MYO1B: variants seen among roughly 807,000 people sequenced by gnomAD.
MYO1B encodes the protein unconventional myosin-Ib.
Under a neutral mutation model 159.7 loss-of-function variants are expected in MYO1B, and 72 were observed. The ratio of observed to expected loss-of-function variants is 0.45; its 90% CI spans 0.37 to 0.55. The LOEUF is 0.55. Ranked by LOEUF, MYO1B falls within the 20% of genes least tolerant of loss-of-function variation. The pLI is 0.00. For synonymous variants in MYO1B, 468 were observed against 473.8 expected, an observed-to-expected ratio of 0.99 and a Z score of 0.16; for missense variants, 1,062 against 1,364.8, an observed-to-expected ratio of 0.78 and a Z score of 3.50.
At chr2:191,261,347 G>C (rs780418998) in intron 1 of MYO1B, among the ~76,000 whole-genome samples, 35 of 152,302 alleles carry the variant, frequency 2.3e-4, no homozygotes, top group Middle Eastern at 3.4e-3. Flanking sequence ...AGCTAATTTA[G>C]GAGTGGCTGA....
At chr2:191,365,809 A>G (rs1203915148) in intron 11 of MYO1B, among the ~76,000 whole-genome samples, 1 of 152,230 alleles carries the variant, frequency 6.6e-6, no homozygotes, top group Non-Finnish European at 1.5e-5. Flanking sequence ...AAGCTTGGCT[A>G]TAGCTGTAGA....
At chr2:191,289,890 C>T (rs1207455364) in intron 2 of MYO1B, among the ~76,000 whole-genome samples, 1 of 152,156 alleles carries the variant, frequency 6.6e-6, no homozygotes, top group Non-Finnish European at 1.5e-5. Flanking sequence ...GTTTTATATA[C>T]AGACTTGGAA....
intron 15 of MYO1B, among the ~76,000 whole-genome samples, chr2:191,383,545 CACAT>C (rs763958195): frequency 0.17 from 3,638 of 21,870 alleles, 75 homozygotes; most frequent in South Asian, 0.46. Context: ...CACACACACA[CACAT>C]ATATATATAT....
chr2:191,256,382 A>T (rs1321107540), intron 1 of MYO1B, among the ~76,000 whole-genome samples: 1 of 152,188 alleles, frequency 6.6e-6, no homozygotes, highest in African/African-American at 2.4e-5. Context: ...ACACATGTGC[A>T]GCTCCTAGAA....
chr2:191,315,161 A>G (rs201605075), intron 3 of MYO1B, among the ~76,000 whole-genome samples: 307 of 31,700 alleles, frequency 9.7e-3, no homozygotes, highest in African/African-American at 0.024. Flanking sequence ...CCGTCCGTCC[A>G]TCCATCCATC....
chr2:191,302,407 C>T (rs920538040), intron 3 of MYO1B, among the ~76,000 whole-genome samples: 3 of 152,138 alleles, frequency 2.0e-5, no homozygotes, highest in African/African-American at 7.2e-5. Context: ...TGTGTTATGG[C>T]TGAGAGTTCA....
intron 1 of MYO1B, among the ~76,000 whole-genome samples, chr2:191,254,808 G>A (rs4853563): frequency 0.53 from 80,945 of 152,014 alleles, 25,517 homozygotes; most frequent in Non-Finnish European, 0.68. Context: ...AAAATTATAT[G>A]CAGTACTTTT....
Position 191,395,582 on chromosome 2 carries a change from A to G in MYO1B, c.2227-847A>G, listed in dbSNP as rs1696021257. On this transcript the variant is annotated intron_variant, in intron 20 of 30. Transcript: ENST00000392318. ...TGTTTCAGTGTATATTCCAAAGTGA[A>G]TACTGTAAAAGCTCACTTTTCTAGG... Among the ~76,000 whole-genome samples, 3 of 152,248 alleles carry G rather than the reference A, an allele frequency of 2.0e-5. No individual in the cohort carries two copies. In the South Asian group the frequency reaches 6.2e-4, roughly 31 times the overall value.
At chr2:191,252,804 G>A (rs1686203673) in intron 1 of MYO1B, among the ~76,000 whole-genome samples, 1 of 152,128 alleles carries the variant, frequency 6.6e-6, no homozygotes, top group Non-Finnish European at 1.5e-5. Context: ...GTCCCCTGTG[G>A]ACTTCACTTC....
chr2:191,301,572 G>A (rs1315409317), intron 3 of MYO1B, among the ~76,000 whole-genome samples: 1 of 152,134 alleles, frequency 6.6e-6, no homozygotes, highest in Non-Finnish European at 1.5e-5. Flanking sequence ...TTCAGGCTAT[G>A]TATATAAGGT....
chr2:191,308,253 C>G (rs1689774257), intron 3 of MYO1B, among the ~76,000 whole-genome samples: 1 of 152,196 alleles, frequency 6.6e-6, no homozygotes. Context: ...GTGTCAGGAA[C>G]CTGAGACAAA....
intron 27 of MYO1B, among the ~76,000 whole-genome samples, chr2:191,413,802 A>G (rs1300551503): frequency 6.6e-6 from 1 of 152,166 alleles, no homozygotes; most frequent in Non-Finnish European, 1.5e-5. Flanking sequence ...GTTCCGTGTG[A>G]TAAGATTATT....
rs764092136 is a variant in MYO1B, at chr2:191,387,288, A to G, written c.1619A>G (p.Gln540Arg). ...GACCTTCTCTATCGAGACCTGTCCC[A>G]AGCCATGTGGAAGGCCAGCCATGCC... Reference protein sequence around the residue: ...NNDLLYRDLSQAMWKASHALI... With the variant: ...NNDLLYRDLSRAMWKASHALI... The change falls in exon 17 of 31, where the codon CAA (glutamine) becomes CGA (arginine). Residue 540 changes from glutamine to arginine, a missense_variant. Physicochemically the swap from Gln to Arg is conservative, Grantham distance 43 (BLOSUM62 1). Around this residue, in one of 5 missense-constraint regions of MYO1B, gnomAD observed 609 missense variants for 744.4 expected, o/e 0.82. Transcript: ENST00000392318. 19 of 1,614,182 alleles carry G rather than the reference A, an allele frequency of 1.2e-5. No homozygotes were observed. The South Asian group carries it at 2.0e-4, about 17-fold the overall frequency.
intron 2 of MYO1B, among the ~76,000 whole-genome samples, chr2:191,279,110 T>C (rs1687908358): frequency 6.6e-6 from 1 of 152,248 alleles, no homozygotes; most frequent in Non-Finnish European, 1.5e-5. Context: ...AATTTTATTT[T>C]CTAAACGTCC....
At chr2:191,253,314 A>G (rs183758159) in intron 1 of MYO1B, among the ~76,000 whole-genome samples, 8 of 152,276 alleles carry the variant, frequency 5.3e-5, no homozygotes, top group African/African-American at 1.9e-4. Context: ...TGCTATAGTC[A>G]CTTCACTGTA....
At chr2:191,380,757 CT>C (rs986529415) in intron 13 of MYO1B, among the ~76,000 whole-genome samples, 4 of 152,092 alleles carry the variant, frequency 2.6e-5, no homozygotes, top group Admixed American at 2.0e-4. Flanking sequence ...CAGGGAGATG[CT>C]TTAATCTTTG....
chr2:191,258,067 G>A (rs368887778), intron 1 of MYO1B, among the ~76,000 whole-genome samples: 1 of 152,046 alleles, frequency 6.6e-6, no homozygotes, highest in East Asian at 1.9e-4. Context: ...TATATGTATC[G>A]CTTAATGATG....
chr2:191,252,028 C>G lies in MYO1B; in HGVS notation c.-10+6402C>G, dbSNP rs547983646. On this transcript the variant is annotated intron_variant, in intron 1 of 30. Coordinates refer to ENST00000392318, the MANE Select transcript of MYO1B (RefSeq NM_001130158.3). ...TAGCTTCCTAACTGATCATTTTTTC[C>G]CTTAAAAGTACTTCAGAGTGATTGG... Among the ~76,000 whole-genome samples, 11 of 152,240 alleles carry G rather than the reference C, an allele frequency of 7.2e-5. No homozygotes were observed. The South Asian group carries it at 8.3e-4, about 11-fold the overall frequency.
At chr2:191,296,035 A>T (rs934136292) in intron 2 of MYO1B, 76 bp from the exon 3 acceptor site, 2 of 744,794 alleles carry the variant, frequency 2.7e-6, no homozygotes, top group Non-Finnish European at 4.1e-6. Flanking sequence ...TTGAAACCAT[A>T]CAACACTAAA....
Sources: allele counts gnomAD v4.1 joint callset (sites outside exome capture counted in the v4.1 genomes callset), GRCh38; gene constraint gnomAD v4.1.1; regional missense constraint gnomAD v4.1.1; transcripts MANE v1.5; gene names NCBI Gene and HGNC (gene_info 2026-07-23, HGNC 2026-07-21).